Variants in LOC400499 observed in about 807,000 individuals in gnomAD.
chr16:11,490,770 T>A, the LOC400499 span, among the ~76,000 whole-genome samples: 1 of 152,204 alleles, frequency 6.6e-6, no homozygotes, highest in Non-Finnish European at 1.5e-5. Flanking sequence ...GAGGCTATTG[T>A]TAAGGAGATA....
At chr16:11,519,416 C>A in the LOC400499 span, among the ~76,000 whole-genome samples, 1 of 151,878 alleles carries the variant, frequency 6.6e-6, no homozygotes, top group Non-Finnish European at 1.5e-5. Flanking sequence ...TGGAAAATAT[C>A]CTCCCTAAAT....
chr16:11,507,070 G>C, the LOC400499 span, among the ~76,000 whole-genome samples: 4 of 152,214 alleles, frequency 2.6e-5, no homozygotes, highest in Admixed American at 1.3e-4. Flanking sequence ...CAAAAGTGGA[G>C]ATCGAGGCCC....
the LOC400499 span, chr16:11,516,373 G>A: frequency 7.5e-6 from 3 of 398,600 alleles, no homozygotes; most frequent in East Asian, 1.1e-4. Flanking sequence ...CAGACTGCCA[G>A]AGGCCACAGC....
the LOC400499 span, among the ~76,000 whole-genome samples, chr16:11,487,606 G>A: frequency 2.0e-5 from 3 of 152,284 alleles, no homozygotes; most frequent in African/African-American, 7.2e-5. Context: ...CAGAGAGGAG[G>A]TGCCCAGAGC....
the LOC400499 span, among the ~76,000 whole-genome samples, chr16:11,379,011 C>G: frequency 6.6e-6 from 1 of 152,146 alleles, no homozygotes; most frequent in Non-Finnish European, 1.5e-5. Context: ...GGCCTGTAAC[C>G]CCAGCACTTT....
At chr16:11,462,141 G>A in the LOC400499 span, 1 of 1,521,662 alleles carries the variant, frequency 6.6e-7, no homozygotes, top group Non-Finnish European at 8.8e-7. Context: ...TGGTCACTCA[G>A]CAGATGGCTC....
chr16:11,376,353 C>CT, the LOC400499 span, among the ~76,000 whole-genome samples: 476 of 116,790 alleles, frequency 4.1e-3, no homozygotes, highest in African/African-American at 0.012. Flanking sequence ...TTGAGGTTTT[C>CT]TTTTTTTTTT....
chr16:11,463,567 T>C, the LOC400499 span, among the ~76,000 whole-genome samples: 1 of 152,092 alleles, frequency 6.6e-6, no homozygotes, highest in Non-Finnish European at 1.5e-5. Context: ...TGTGAACGTA[T>C]GTATACGGAT....
the LOC400499 span, chr16:11,484,919 G>A: frequency 1.0e-5 from 4 of 399,482 alleles, no homozygotes; most frequent in Non-Finnish European, 1.8e-5. Flanking sequence ...TCTGTCTCCT[G>A]GACACTCGGG....
the LOC400499 span, among the ~76,000 whole-genome samples, chr16:11,497,531 C>T: frequency 4.6e-5 from 7 of 152,310 alleles, no homozygotes; most frequent in African/African-American, 1.7e-4. Flanking sequence ...AGGGCAGGCT[C>T]GGGCCTGTCC....
the LOC400499 span, chr16:11,471,605 G>T: frequency 2.5e-6 from 1 of 399,034 alleles, no homozygotes; most frequent in Non-Finnish European, 4.4e-6. Flanking sequence ...CTGACCTAAG[G>T]AGATCCACAA....
At chr16:11,480,257 A>C in the LOC400499 span, among the ~76,000 whole-genome samples, 3 of 152,246 alleles carry the variant, frequency 2.0e-5, no homozygotes, top group African/African-American at 7.2e-5. Context: ...GGGATTGTGC[A>C]TTCTAAGAAA....
the LOC400499 span, among the ~76,000 whole-genome samples, chr16:11,452,403 G>A: frequency 7.9e-5 from 12 of 152,146 alleles, no homozygotes; most frequent in African/African-American, 2.9e-4. Context: ...TGCTGCGGGA[G>A]GCTAGGGGCT....
the LOC400499 span, chr16:11,399,605 T>C: frequency 1.1e-4 from 43 of 398,528 alleles, no homozygotes; most frequent in Non-Finnish European, 1.6e-4. Flanking sequence ...CTGGAGCTGA[T>C]AGGGAAGAGA....
chr16:11,493,333 G>C, the LOC400499 span, among the ~76,000 whole-genome samples: 1 of 152,190 alleles, frequency 6.6e-6, no homozygotes, highest in Admixed American at 6.5e-5. Context: ...CCTGTGTTCC[G>C]ATAAAACTTT....
the LOC400499 span, among the ~76,000 whole-genome samples, chr16:11,473,656 G>A: frequency 1.3e-5 from 2 of 152,102 alleles, no homozygotes; most frequent in South Asian, 4.1e-4. Context: ...TTGGGAGGCT[G>A]AGGCAGAAGA....
chr16:11,400,060 GAA>G, the LOC400499 span, among the ~76,000 whole-genome samples: 117,416 of 146,042 alleles, frequency 0.8, 47,446 homozygotes, highest in Admixed American at 0.85. Context: ...GCATTTAAAT[GAA>G]AAAAAAAAAA....
chr16:11,412,500 G>C, the LOC400499 span, among the ~76,000 whole-genome samples: 1 of 152,190 alleles, frequency 6.6e-6, no homozygotes, highest in Admixed American at 6.5e-5. Context: ...GCTAGAGCCT[G>C]GCTGGTGGCC....
chr16:11,416,852 G>A, the LOC400499 span, among the ~76,000 whole-genome samples: 25 of 152,118 alleles, frequency 1.6e-4, no homozygotes, highest in African/African-American at 6.0e-4. Context: ...AGCAAGGAGT[G>A]GAACAAGTAG....
Sources: gnomAD v4.1 joint callset for allele counts (sites outside exome capture counted in the v4.1 genomes callset) on GRCh38, gnomAD v4.1.1 for gene constraint, MANE v1.5 for transcripts.